SLU7: variants seen among roughly 807,000 people sequenced by gnomAD.
SLU7 encodes pre-mRNA-splicing factor SLU7.
A neutral mutation model predicts 87.0 loss-of-function variants in SLU7; 60 were observed. The ratio of observed to expected loss-of-function variants is 0.69; its 90% CI spans 0.56 to 0.86. SLU7 has a LOEUF of 0.86. Among genes scored for constraint, SLU7 ranks in the 40% least tolerant of loss-of-function variants. The probability of loss-of-function intolerance (pLI) is 0.00; values close to 1 mark genes in which losing one functional copy is unlikely to be tolerated. For synonymous variants in SLU7, 197 were observed against 222.0 expected (o/e 0.89, Z 1.00); for missense variants, 507 against 686.6 (o/e 0.74, Z 2.92).
rs1024188341 is a variant in SLU7, at chr5:160,402,869, G to T, written c.*416C>A. ...TCTCTACTAAAAATACAAAAAATTA[G>T]CTGAGCATGGTGGCGGGCGCCTGTA... is the stretch of plus-strand genomic sequence containing the variant. On this transcript the variant is annotated 3_prime_UTR_variant, in exon 16 of 16. Coordinates refer to ENST00000297151, the MANE Select transcript of SLU7 (RefSeq NM_006425.5). The T allele has an allele frequency of 6.6e-6, 1 of 152,440 alleles. No individual in the cohort carries two copies. The highest frequency in any genetic ancestry group is 1.5e-5 in the Non-Finnish European group (1 of 68,340). The allele number at this position is 152,440 out of a possible 1,614,324, so 9.4% of individuals were successfully genotyped here.
intron 14 of SLU7, 27 bp from the exon 15 acceptor site, chr5:160,404,583 T>C: frequency 1.4e-6 from 2 of 1,441,290 alleles, no homozygotes; most frequent in Non-Finnish European, 9.7e-7. Context: ...AAATGCAGTG[T>C]TATTAATGTG....
intron 15 of SLU7, 83 bp from the exon 16 acceptor site, chr5:160,403,547 CA>C: frequency 8.1e-7 from 1 of 1,228,962 alleles, no homozygotes; most frequent in Non-Finnish European, 1.1e-6. Context: ...CAACACACCC[CA>C]CTGAATATGA....
In SLU7 at chr5:160,402,409, A is replaced by G. The variant is rs1164727533; in HGVS notation, c.*876T>C. 1 of 152,194 alleles carries G rather than the reference A, an allele frequency of 6.6e-6. No individual in the cohort carries two copies. The highest frequency in any genetic ancestry group is 1.5e-5 in the Non-Finnish European group (1 of 68,036). The allele number at this position is 152,194 out of a possible 1,614,324, so 9.4% of individuals were successfully genotyped here. The stretch of plus-strand genomic sequence containing the variant: ...GACTAACACATTTAGTCTACTCCAG[A>G]GGCCAAGGAAGAGAGAATCGCTTGA... On this transcript the variant is annotated 3_prime_UTR_variant, in exon 16 of 16. Transcript: ENST00000297151.
intron 1 of SLU7, chr5:160,417,124 T>C (rs1238940373): frequency 6.6e-6 from 1 of 152,210 alleles, no homozygotes; most frequent in African/African-American, 2.4e-5. Flanking sequence ...CTTTAGTAAA[T>C]TGGCAGGTCT....
chr5:160,403,548 A>G (rs777023575), intron 15 of SLU7, 84 bp from the exon 16 acceptor site: 168 of 1,210,068 alleles, frequency 1.4e-4, no homozygotes, highest in Non-Finnish European at 1.9e-4. Flanking sequence ...AACACACCCC[A>G]CTGAATATGA....
rs1401343681 is a variant in SLU7, at chr5:160,406,641, T to C, written c.1126-12A>G. 1.3e-6 allele frequency: 2 copies of C among 1,583,722 alleles called. No homozygotes were observed. The highest frequency in any genetic ancestry group is 1.4e-5 in the African/African-American group (1 of 73,062). Reference sequence around the variant, plus strand: ...TCTTGGCCACCATACTAAAAGGACATTGGACATTATTCAATACATTTTACA... The same window carrying C: ...TCTTGGCCACCATACTAAAAGGACACTGGACATTATTCAATACATTTTACA... On this transcript the variant is annotated splice_polypyrimidine_tract_variant and intron_variant, in intron 11 of 15. Coordinates refer to ENST00000297151, the MANE Select transcript of SLU7 (RefSeq NM_006425.5).
Position 160,407,366 on chromosome 5 carries a change from T to C in SLU7, c.1125+110A>G. 2 of 916,322 alleles carry C rather than the reference T, an allele frequency of 2.2e-6. No homozygotes were observed. Among genetic ancestry groups the C allele is most frequent in the Non-Finnish European group, 3.2e-6 (2 of 619,260 alleles). The allele number at this position is 916,322 out of a possible 1,614,324, so 56.8% of individuals were successfully genotyped here. A position where few individuals can be genotyped will look rare whatever the true frequency, so the allele number is the denominator to read the frequency against. On this transcript the variant is annotated intron_variant, in intron 11 of 15. Transcript: ENST00000297151. This position sits in a 1 kb window ranked among gnomAD's most constrained non-coding sequence, Gnocchi z 4.2. ...AAAGGAAGAAAAGGACTATTCTTCA[T>C]GGATTAAGAGGGCTCTCTTTGCATT...
chr5:160,408,507 T>C, intron 7 of SLU7, 47 bp from the exon 8 acceptor site: 1 of 1,567,180 alleles, frequency 6.4e-7, no homozygotes, highest in Non-Finnish European at 8.7e-7. Flanking sequence ...GAAAGCAGCA[T>C]GTAGTTCTTT....
At position 160,403,338 on chromosome 5, in the gene SLU7, T is replaced by C; in HGVS notation, c.1708A>G (p.Arg570Gly). 6.2e-7 allele frequency: 1 copy of C among 1,613,244 alleles called. No individual in the cohort carries two copies. The highest frequency in any genetic ancestry group is 8.5e-7 in the Non-Finnish European group (1 of 1,179,672). Residue 570 changes from arginine to glycine, a missense_variant, in exon 16 of 16, where the codon AGA becomes GGA. By Grantham distance (125) the Arg-to-Gly change is moderately radical (BLOSUM62 -2). Transcript: ENST00000297151. The part of the protein sequence containing the change: ...EPTEEEMEAY[R>G]MKRQRPDDPM... ...TCATCTGGCCTCTGACGTTTCATTC[T>C]ATATGCCTCCATTTCCTCTTCAGTA...
intron 7 of SLU7, 44 bp from the exon 8 acceptor site, chr5:160,408,504 G>T: frequency 6.4e-7 from 1 of 1,568,472 alleles, no homozygotes; most frequent in Non-Finnish European, 8.7e-7. Context: ...AAAGAAAGCA[G>T]CATGTAGTTC....
chr5:160,403,177 C>G lies in SLU7; in HGVS notation c.*108G>C. 1 of 800,794 alleles carries G rather than the reference C, an allele frequency of 1.2e-6. No homozygotes were observed. The highest frequency in any genetic ancestry group is 2.8e-5 in the East Asian group (1 of 35,416). 49.6% of individuals were successfully genotyped at this position (800,794 alleles called of 1,614,324 possible). Reference sequence around the variant, plus strand: ...GAGGCATCTGAAATATTTATTAAAGCCAGGCAGCAAGAAGAATAAACAAGG... The same window carrying G: ...GAGGCATCTGAAATATTTATTAAAGGCAGGCAGCAAGAAGAATAAACAAGG... On this transcript the variant is annotated 3_prime_UTR_variant, in exon 16 of 16. Transcript: ENST00000297151.
intron 1 of SLU7, among the ~76,000 whole-genome samples, chr5:160,416,750 T>C (rs1455168508): frequency 6.6e-6 from 1 of 152,246 alleles, no homozygotes; most frequent in Non-Finnish European, 1.5e-5. Context: ...TGGACTCTTC[T>C]GATTCCCTCC....
rs777185068 is a variant in SLU7, at chr5:160,403,480, T to G, written c.1582-16A>C. On this transcript the variant is annotated splice_polypyrimidine_tract_variant and intron_variant, in intron 15 of 15. Transcript: ENST00000297151. ...CGTTCAGTGCCTATAGTGAGAGGAATAAAATGTGTATCACAGCTCTACATC... is the reference window on the plus strand; with the variant it reads ...CGTTCAGTGCCTATAGTGAGAGGAAGAAAATGTGTATCACAGCTCTACATC... The G allele has an allele frequency of 6.3e-7, 1 of 1,575,330 alleles. No individual in the cohort carries two copies. Among genetic ancestry groups the G allele is most frequent in the South Asian group, 1.2e-5 (1 of 84,982 alleles).
Position 160,413,973 on chromosome 5 carries a change from T to C in SLU7, c.331A>G (p.Ile111Val), listed in dbSNP as rs17856338. The C allele has an allele frequency of 9.8e-3, 15,376 of 1,565,940 alleles. 133 individuals carry two copies. Among genetic ancestry groups the C allele is most frequent in the Non-Finnish European group, 0.011 (12,259 of 1,153,976 alleles). ...GCTCCTTTGCGGTACTTAGTAATTA[T>C]GGAATTCTATAAATATATATAAAGA... ...WYKRGVKENS[I>V]ITKYRKGACE... Residue 111 changes from isoleucine to valine, a missense_variant, in exon 4 of 16, where the codon ATA becomes GTA. Ile to Val is a conservative substitution (Grantham distance 29). This residue lies in a region of SLU7 where 155 missense variants were observed against 154.4 expected (regional missense o/e 1.00). Coordinates refer to ENST00000297151, the MANE Select transcript of SLU7 (RefSeq NM_006425.5).
Position 160,408,105 on chromosome 5 carries a change from T to C in SLU7, c.820-37A>G, listed in dbSNP as rs1459308995. On this transcript the variant is annotated intron_variant, in intron 8 of 15. Transcript: ENST00000297151. Reference sequence around the variant, plus strand: ...AAATATTTAAAGAATTAATGTTTACTCACAGCAAAAAGATTTCAGCAGACT... The same window carrying C: ...AAATATTTAAAGAATTAATGTTTACCCACAGCAAAAAGATTTCAGCAGACT... The C allele has an allele frequency of 3.4e-6, 5 of 1,449,406 alleles. No individual in the cohort carries two copies. In the African/African-American group the frequency reaches 7.0e-5, roughly 20 times the overall value. The allele number at this position is 1,449,406 out of a possible 1,614,324, so 89.8% of individuals were successfully genotyped here.
In SLU7 at chr5:160,404,536, TTTCA is replaced by T. The variant is rs1236679104; in HGVS notation, c.1481_1484del (p.Leu494GlnfsTer31). ...TCTTTTTCTTCTTCTTCTTTTCCTC[TTTCA>T]GTTTTTCTTGATGCAGCTGAAAGGG... On this transcript the variant is annotated frameshift_variant, in exon 15 of 16. Transcript: ENST00000297151. LOFTEE classifies it high-confidence loss of function. The T allele has an allele frequency of 6.2e-7, 1 of 1,606,520 alleles. No homozygotes were observed. Among genetic ancestry groups the T allele is most frequent in the Admixed American group, 1.7e-5 (1 of 59,866 alleles).
At position 160,415,112 on chromosome 5, in the gene SLU7, A is replaced by G. The variant is rs1210109567; in HGVS notation, c.170+13T>C. On this transcript the variant is annotated intron_variant, in intron 2 of 15. Coordinates refer to ENST00000297151, the MANE Select transcript of SLU7 (RefSeq NM_006425.5). ...TCTGAATGAATGGATCATACAAAAA[A>G]TTAAGTACTTACTTTCCTTCTTCAT... is the stretch of plus-strand genomic sequence containing the variant. 1.3e-6 allele frequency: 2 copies of G among 1,577,798 alleles called. No individual in the cohort carries two copies. The highest frequency in any genetic ancestry group is 2.7e-5 in the African/African-American group (2 of 73,058).
intron 12 of SLU7, 112 bp downstream of exon 12, chr5:160,406,356 T>C: frequency 1.2e-6 from 1 of 865,876 alleles, no homozygotes; most frequent in Non-Finnish European, 1.6e-6. Flanking sequence ...AAATTTTTTT[T>C]TTTTTTTAAA....
rs1363285716 is a variant in SLU7 at position 160,404,985 on chromosome 5, A to G, written c.1392+46T>C. 2.6e-6 allele frequency: 4 copies of G among 1,545,854 alleles called. No individual in the cohort carries two copies. In the Admixed American group the frequency reaches 6.7e-5, roughly 26 times the overall value. ...ACAGCATGTTTTAGTTTGACTTAGG[A>G]GCTTCGGTTGTTTTATACCTTTAAG... On this transcript the variant is annotated intron_variant, in intron 13 of 15. Coordinates refer to ENST00000297151, the MANE Select transcript of SLU7 (RefSeq NM_006425.5).
Sources: allele counts gnomAD v4.1 joint callset (sites outside exome capture counted in the v4.1 genomes callset), GRCh38; gene constraint gnomAD v4.1.1; regional missense constraint gnomAD v4.1.1; non-coding constraint Gnocchi (gnomAD v3.1); transcripts MANE v1.5; gene names NCBI Gene and HGNC (gene_info 2026-07-23, HGNC 2026-07-21).